Variants in MAMSTR observed in about 807,000 individuals in gnomAD.
MAMSTR encodes the protein MEF2-activating motif and SAP domain-containing transcriptional regulator.
MAMSTR carries 41 observed loss-of-function variants against 42.7 expected under a neutral mutation model. That is an observed-to-expected ratio of 0.96 (90% CI 0.75 to 1.25). The LOEUF is 1.25. Among genes scored for constraint, MAMSTR ranks in the 50% most tolerant of loss-of-function variants. The probability of loss-of-function intolerance (pLI) is 0.00; values close to 1 mark genes in which losing one functional copy is unlikely to be tolerated. For synonymous variants in MAMSTR, 265 were observed against 244.1 expected, an observed-to-expected ratio of 1.09 and a Z score of -0.80; for missense variants, 567 against 557.6, an observed-to-expected ratio of 1.02 and a Z score of -0.17.
rs1568465839 is a variant in MAMSTR at position 48,712,945 on chromosome 19, C to G, written c.*322G>C. 8.0e-6 allele frequency: 2 copies of G among 249,914 alleles called. No homozygotes were observed. The highest frequency in any genetic ancestry group is 1.5e-5 in the Non-Finnish European group (2 of 132,366). The allele number at this position is 249,914 out of a possible 1,614,324, so 15.5% of individuals were successfully genotyped here. A position where few individuals can be genotyped will look rare whatever the true frequency, so the allele number is the denominator to read the frequency against. ...ACCACCTTCCAGGCTCCCCAAACAA[C>G]AGGGAGCCATCTACCGGGGTCGGGG... On this transcript the variant is annotated 3_prime_UTR_variant, in exon 10 of 10. Transcript: ENST00000318083.
intron 4 of MAMSTR, 69 bp downstream of exon 4, chr19:48,715,556 A>C (rs1391653227): frequency 1.3e-6 from 2 of 1,488,620 alleles, no homozygotes; most frequent in Admixed American, 2.7e-5. Flanking sequence ...AGGAGCAAAA[A>C]TGGCAGCAGC....
intron 2 of MAMSTR, among the ~76,000 whole-genome samples, chr19:48,717,412 T>G (rs936487320): frequency 6.6e-6 from 1 of 151,348 alleles, no homozygotes; most frequent in Non-Finnish European, 1.5e-5. Flanking sequence ...ACTCCTGGGC[T>G]CAATCCATCC....
chr19:48,715,085 G>A lies in MAMSTR; in HGVS notation c.425+177C>T, dbSNP rs10407910. On this transcript the variant is annotated intron_variant, in intron 5 of 9. Coordinates refer to ENST00000318083, the MANE Select transcript of MAMSTR (RefSeq NM_001130915.2). ...TCTGTGCATGGGGGAGGAGGAACTA[G>A]GCGTTCAGACTCGGGTCTGAAGGGC... Among the ~76,000 whole-genome samples, 1,309 of 152,046 alleles carry A rather than the reference G, an allele frequency of 8.6e-3. 7 individuals are homozygous for A. The highest frequency in any genetic ancestry group is 0.03 in the African/African-American group (1,241 of 41,452).
intron 2 of MAMSTR, 66 bp downstream of exon 2, chr19:48,718,908 T>G: frequency 2.7e-4 from 158 of 581,134 alleles, no homozygotes; most frequent in Non-Finnish European, 4.4e-4. Context: ...CACCCCTCCC[T>G]TCCCACCCCA....
At position 48,717,297 on chromosome 19, in the gene MAMSTR, T is replaced by C. The variant is rs55990506; in HGVS notation, c.59-554A>G. 8.0e-3 allele frequency among the ~76,000 whole-genome samples: 1,218 copies of C among 152,022 alleles called. 18 individuals carry two copies. The highest frequency in any genetic ancestry group is 0.027 in the African/African-American group (1,127 of 41,432). On this transcript the variant is annotated intron_variant, in intron 2 of 9. Coordinates refer to ENST00000318083, the MANE Select transcript of MAMSTR (RefSeq NM_001130915.2). ...GCCTCAGCATCCATGTTAACACTGT[T>C]TTTTTTTCCTTTTTTTAATTTGTTT...
intron 2 of MAMSTR, 102 bp from the exon 3 acceptor site, chr19:48,716,845 C>T (rs1458627898): frequency 8.0e-7 from 1 of 1,251,134 alleles, no homozygotes. Flanking sequence ...GCGGGATATG[C>T]GTGCCCAGCC....
In MAMSTR at chr19:48,716,713, T is replaced by A. The variant is rs2033051247; in HGVS notation, c.89A>T (p.Gln30Leu). The change falls in exon 3 of 10, where the codon CAG becomes CTG. Residue 30 changes from glutamine to leucine, a missense_variant. Physicochemically the swap from Gln to Leu is moderately radical, Grantham distance 113 (BLOSUM62 -2). Transcript: ENST00000318083. Reference protein sequence around the residue: ...VLQLRIHRRNQEQISDPDPWI... With the variant: ...VLQLRIHRRNLEQISDPDPWI... The stretch of plus-strand genomic sequence containing the variant: ...TTGGGGCCCATACTTACTCTGCTCC[T>A]GATTCCGTCTGTGGATCCGAAGCTG... 1.5e-6 allele frequency: 2 copies of A among 1,335,806 alleles called. No individual in the cohort carries two copies. The highest frequency in any genetic ancestry group is 1.9e-6 in the Non-Finnish European group (2 of 1,034,308). 82.7% of individuals were successfully genotyped at this position (1,335,806 alleles called of 1,614,324 possible).
chr19:48,718,613 C>T (rs2033138965), intron 2 of MAMSTR, among the ~76,000 whole-genome samples: 1 of 152,096 alleles, frequency 6.6e-6, no homozygotes, highest in African/African-American at 2.4e-5. Flanking sequence ...ACTTTCACAG[C>T]TTGACAGCTC....
At chr19:48,707,795 A>AGAAG (rs59152288), downstream of MAMSTR, among the ~76,000 whole-genome samples, 5,183 of 102,104 alleles carry the variant, frequency 0.051, 443 homozygotes, top group African/African-American at 0.17. Flanking sequence ...AAAGAAACAA[A>AGAAG]GAAGGAAGGA....
rs749442911 is a variant in MAMSTR at position 48,713,299 on chromosome 19, G to A, written c.1216C>T (p.Arg406Trp). 1 of 1,603,192 alleles carries A rather than the reference G, an allele frequency of 6.2e-7. No homozygotes were observed. Among genetic ancestry groups the A allele is most frequent in the African/African-American group, 1.3e-5 (1 of 74,212 alleles). The part of the protein sequence containing the change: ...SADLSDSSSS[R>W]LWDLLEDPW ...GGATCCTCCAGCAGGTCCCACAGCC[G>A]GCTGCTGCTGGAGTCAGATAAGTCA... The change falls in exon 10 of 10, where the codon CGG (arginine) becomes TGG (tryptophan). Residue 406 changes from arginine to tryptophan, a missense_variant. Coordinates refer to ENST00000318083, the MANE Select transcript of MAMSTR (RefSeq NM_001130915.2).
At position 48,714,928 on chromosome 19, in the gene MAMSTR, G is replaced by A. The variant is rs772791772; in HGVS notation, c.426-20C>T. The A allele has an allele frequency of 1.3e-6, 2 of 1,519,364 alleles. No individual in the cohort carries two copies. The highest frequency in any genetic ancestry group is 2.2e-5 in the East Asian group (1 of 44,480). The allele number at this position is 1,519,364 out of a possible 1,614,324, so 94.1% of individuals were successfully genotyped here. A position where few individuals can be genotyped will look rare whatever the true frequency, so the allele number is the denominator to read the frequency against. ...TTCATCCTGGTGATAATCGTGAGGG[G>A]CGAACAAAGGTTAGAGAGGTAGAGG... On this transcript the variant is annotated intron_variant, in intron 5 of 9. Coordinates refer to ENST00000318083, the MANE Select transcript of MAMSTR (RefSeq NM_001130915.2).
Position 48,714,545 on chromosome 19 carries a change from G to C in MAMSTR, c.544C>G (p.Gln182Glu). ...GGGAGGCCCCGCAGGCGCAGCTGCT[G>C]CCGGAGCTCTGAGACCTGGGGAGGG... ...LEELTVSELRQQLRLRGLPVS... is the reference protein window; with the variant it reads ...LEELTVSELREQLRLRGLPVS... Residue 182 changes from glutamine to glutamate, a missense_variant, in exon 7 of 10, where the codon CAG (glutamine) becomes GAG (glutamate). Coordinates refer to ENST00000318083, the MANE Select transcript of MAMSTR (RefSeq NM_001130915.2). 1 of 1,460,226 alleles carries C rather than the reference G, an allele frequency of 6.8e-7. No homozygotes were observed. The highest frequency in any genetic ancestry group is 8.9e-7 in the Non-Finnish European group (1 of 1,118,926). The allele number at this position is 1,460,226 out of a possible 1,614,324, so 90.5% of individuals were successfully genotyped here.
downstream of MAMSTR, among the ~76,000 whole-genome samples, chr19:48,708,964 G>A (rs1382683485): frequency 1.3e-5 from 2 of 152,038 alleles, no homozygotes; most frequent in Non-Finnish European, 2.9e-5. Context: ...GGCAGAGATG[G>A]GGACACATTG....
In MAMSTR at chr19:48,715,691, G is replaced by C; in HGVS notation, c.174C>G (p.Phe58Leu). The change falls in exon 4 of 10, where the codon TTC becomes TTG. Residue 58 changes from phenylalanine to leucine, a missense_variant. Coordinates refer to ENST00000318083, the MANE Select transcript of MAMSTR (RefSeq NM_001130915.2). ...GGAGCAGGACCCCAGGGCTGAAGAG[G>C]AAAGGGGCCGTGCCCGAGGGCAAGG... ...APALPSGTAP[F>L]LFSPGVLLPE... The C allele has an allele frequency of 6.5e-7, 1 of 1,540,346 alleles. No homozygotes were observed. Among genetic ancestry groups the C allele is most frequent in the Non-Finnish European group, 8.7e-7 (1 of 1,144,250 alleles).
downstream of MAMSTR, among the ~76,000 whole-genome samples, chr19:48,707,871 GAAAGAAAGAAAGAAAGA>G (rs1442815934): frequency 7.2e-5 from 8 of 110,432 alleles, no homozygotes; most frequent in South Asian, 2.7e-4. Context: ...AAGAAAGAAA[GAAAGAAAGAAAGAAAGA>G]AAAGAAAGAA....
the MAMSTR span, among the ~76,000 whole-genome samples, chr19:48,706,283 T>C: frequency 9.7e-6 from 1 of 103,426 alleles, no homozygotes; most frequent in East Asian, 2.1e-4. Context: ...TGAGACTCCA[T>C]CTCAAAAAAA....
intron 5 of MAMSTR, 51 bp from the exon 6 acceptor site, chr19:48,714,959 A>G (rs767508853): frequency 8.0e-7 from 1 of 1,249,774 alleles, no homozygotes; most frequent in Non-Finnish European, 1.1e-6. Flanking sequence ...AGAGGGGGAA[A>G]AGGCGTTCTG....
downstream of MAMSTR, among the ~76,000 whole-genome samples, chr19:48,708,231 CA>C (rs66744711): frequency 5.7e-3 from 682 of 118,712 alleles, 2 homozygotes; most frequent in African/African-American, 0.016. Flanking sequence ...TGAACTCCAT[CA>C]AAAAAAAAAA....
At chr19:48,710,193 C>T (rs1261012667), downstream of MAMSTR, among the ~76,000 whole-genome samples, 1 of 151,834 alleles carries the variant, frequency 6.6e-6, no homozygotes, top group Non-Finnish European at 1.5e-5. Context: ...GGCATGATCT[C>T]ATCTCACTGC....
Sources: gnomAD v4.1 joint callset for allele counts (sites outside exome capture counted in the v4.1 genomes callset) on GRCh38, gnomAD v4.1.1 for gene constraint, MANE v1.5 for transcripts, NCBI Gene and HGNC (gene_info 2026-07-23, HGNC 2026-07-21) for gene names.